The following LUZP2 variants were observed in gnomAD, a reference collection of about 807,000 sequenced individuals.
LUZP2 encodes leucine zipper protein 2.
Under a neutral mutation model 51.6 loss-of-function variants are expected in LUZP2, and 52 were observed. The ratio of observed to expected loss-of-function variants is 1.01; its 90% CI spans 0.81 to 1.27. The LOEUF is 1.27. LUZP2 is among the 50% of genes most tolerant of loss of function. LUZP2 has a pLI of 0.00. For missense variants in LUZP2, 436 were observed against 395.4 expected (o/e 1.10, Z -0.87); for synonymous variants, 154 against 137.3 (o/e 1.12, Z -0.85).
intron 5 of LUZP2, chr11:24,786,352 A>G (rs1482574531): frequency 1.0e-6 from 1 of 982,342 alleles, no homozygotes; most frequent in Non-Finnish European, 1.2e-6. Context: ...GGGCATATCT[A>G]ATAAATACAT....
At chr11:24,962,683 T>C (rs191353468) in intron 7 of LUZP2, among the ~76,000 whole-genome samples, 1 of 152,264 alleles carries the variant, frequency 6.6e-6, no homozygotes, top group African/African-American at 2.4e-5. Context: ...TTTTTCAAAG[T>C]TTTTAACTTC....
chr11:24,508,005 A>T, intron 1 of LUZP2, among the ~76,000 whole-genome samples: 1 of 151,346 alleles, frequency 6.6e-6, no homozygotes. Context: ...TAATAATATA[A>T]ATGAATAGTA....
Position 25,022,577 on chromosome 11 carries a change from G to A in LUZP2, c.766-27461G>A, listed in dbSNP as rs573473255. Among the ~76,000 whole-genome samples the A allele has an allele frequency of 5.3e-5, 8 of 152,050 alleles. No homozygotes were observed. In the East Asian group the frequency reaches 1.4e-3, roughly 26 times the overall value. The stretch of plus-strand genomic sequence containing the variant: ...CTTCACCAAAAAAATCTGTAATTTA[G>A]TATCAGTAAACATCAGTTTAAGAAA... On this transcript the variant is annotated intron_variant, in intron 9 of 11. Transcript: ENST00000336930.
Position 25,050,543 on chromosome 11 carries a change from A to T in LUZP2, c.858+413A>T, listed in dbSNP as rs111229348. Among the ~76,000 whole-genome samples the T allele has an allele frequency of 9.7e-3, 1,481 of 152,076 alleles. 25 individuals carry two copies. Among genetic ancestry groups the T allele is most frequent in the African/African-American group, 0.033 (1,371 of 41,486 alleles). On this transcript the variant is annotated intron_variant, in intron 10 of 11. Coordinates refer to ENST00000336930, the MANE Select transcript of LUZP2 (RefSeq NM_001009909.4). The stretch of plus-strand genomic sequence containing the variant: ...CTGGTCTTGATCGCCTGACCTCGTG[A>T]TCCGCCCACCTCGGCCTCCCAAAGG...
chr11:24,500,339 AT>A (rs1489277512), intron 1 of LUZP2, among the ~76,000 whole-genome samples: 1 of 152,210 alleles, frequency 6.6e-6, no homozygotes, highest in African/African-American at 2.4e-5. Flanking sequence ...AGTTAATGAT[AT>A]GAATAATGTA....
chr11:24,713,446 T>C (rs1169463128), intron 1 of LUZP2, among the ~76,000 whole-genome samples: 1 of 152,172 alleles, frequency 6.6e-6, no homozygotes, highest in Non-Finnish European at 1.5e-5. Flanking sequence ...ATCTTTCTTT[T>C]TGATGTTTAT....
chr11:25,071,589 T>C (rs1415101558), intron 10 of LUZP2, among the ~76,000 whole-genome samples: 1 of 151,820 alleles, frequency 6.6e-6, no homozygotes, highest in African/African-American at 2.4e-5. Context: ...TTTTTCTCTT[T>C]GGGGTGGAAA....
At chr11:24,556,748 A>G (rs1851880800) in intron 1 of LUZP2, among the ~76,000 whole-genome samples, 2 of 152,146 alleles carry the variant, frequency 1.3e-5, no homozygotes, top group South Asian at 4.1e-4. Context: ...TCTGTCCTAT[A>G]CATATTTTCC....
chr11:24,714,828 T>A (rs538141020), intron 1 of LUZP2, among the ~76,000 whole-genome samples: 8 of 152,320 alleles, frequency 5.3e-5, no homozygotes, highest in African/African-American at 1.4e-4. Flanking sequence ...GGCATCACCT[T>A]CTGTGCACAG....
At chr11:24,703,987 A>G (rs955249930) in intron 1 of LUZP2, among the ~76,000 whole-genome samples, 1 of 152,230 alleles carries the variant, frequency 6.6e-6, no homozygotes, top group African/African-American at 2.4e-5. Flanking sequence ...ATTATAGAAA[A>G]AAGAATGATT....
intron 1 of LUZP2, among the ~76,000 whole-genome samples, chr11:24,523,259 A>C (rs1850700071): frequency 6.6e-6 from 1 of 151,954 alleles, no homozygotes; most frequent in Non-Finnish European, 1.5e-5. Context: ...GTCTGCTCAA[A>C]TTTGGGGCAC....
At chr11:24,527,463 T>A (rs1439644361) in intron 1 of LUZP2, among the ~76,000 whole-genome samples, 5 of 151,258 alleles carry the variant, frequency 3.3e-5, no homozygotes, top group African/African-American at 4.8e-5. Flanking sequence ...TAGTTGTACA[T>A]CTGGATATGT....
chr11:25,065,596 T>G (rs1169442357), intron 10 of LUZP2, among the ~76,000 whole-genome samples: 2 of 152,082 alleles, frequency 1.3e-5, no homozygotes, highest in African/African-American at 4.8e-5. Flanking sequence ...TTAACCTTAT[T>G]CTTCTTTGTC....
chr11:24,961,770 G>T (rs924130906), intron 7 of LUZP2, among the ~76,000 whole-genome samples: 2 of 150,804 alleles, frequency 1.3e-5, no homozygotes, highest in African/African-American at 4.9e-5. Context: ...ATTGTTATGT[G>T]TGAATTTGAT....
At chr11:24,627,311 C>T (rs1296360815) in intron 1 of LUZP2, among the ~76,000 whole-genome samples, 1 of 152,000 alleles carries the variant, frequency 6.6e-6, no homozygotes, top group Non-Finnish European at 1.5e-5. Context: ...GGAAAATGTG[C>T]CCAGAAAAAA....
chr11:24,566,890 A>G (rs1451012669), intron 1 of LUZP2, among the ~76,000 whole-genome samples: 6 of 100,846 alleles, frequency 5.9e-5, no homozygotes, highest in Non-Finnish European at 1.0e-4. Flanking sequence ...ACATATATAC[A>G]TATTTATATA....
At chr11:24,964,239 G>A (rs1464588912) in intron 7 of LUZP2, among the ~76,000 whole-genome samples, 2 of 152,072 alleles carry the variant, frequency 1.3e-5, no homozygotes, top group Non-Finnish European at 2.9e-5. Context: ...TTAATTCATG[G>A]TAACTGGCAC....
At chr11:24,992,572 A>G (rs1051289187) in intron 9 of LUZP2, among the ~76,000 whole-genome samples, 1 of 152,188 alleles carries the variant, frequency 6.6e-6, no homozygotes, top group African/African-American at 2.4e-5. Flanking sequence ...GATATACAGA[A>G]ACTATTCAAT....
chr11:24,609,343 C>T (rs1356253985), intron 1 of LUZP2, among the ~76,000 whole-genome samples: 1 of 152,114 alleles, frequency 6.6e-6, no homozygotes, highest in Non-Finnish European at 1.5e-5. Flanking sequence ...CTCTGAAACT[C>T]TCCACAGTTG....
Sources: gnomAD v4.1 joint callset for allele counts (sites outside exome capture counted in the v4.1 genomes callset) on GRCh38, gnomAD v4.1.1 for gene constraint, MANE v1.5 for transcripts, NCBI Gene and HGNC (gene_info 2026-07-23, HGNC 2026-07-21) for gene names.